Variants in EBF2 observed in about 807,000 individuals in gnomAD.
The protein encoded by EBF2 is transcription factor COE2.
Under a neutral mutation model 72.8 loss-of-function variants are expected in EBF2, and 21 were observed. The ratio of observed to expected loss-of-function variants is 0.29; its 90% confidence interval spans 0.20 to 0.42. The LOEUF is 0.42. Ranked by LOEUF, EBF2 falls within the 10% of genes least tolerant of loss-of-function variation. The pLI, the probability that EBF2 is intolerant of heterozygous loss-of-function variation, is 1.00. For synonymous variants in EBF2, 299 were observed against 274.2 expected (o/e 1.09, Z -0.89); for missense variants, 637 against 731.2 (o/e 0.87, Z 1.49).
chr8:25,864,600 T>C (rs770799398), intron 10 of EBF2, among the ~76,000 whole-genome samples: 51 of 152,142 alleles, frequency 3.4e-4, no homozygotes, highest in Non-Finnish European at 1.9e-4. Context: ...TACTTTGTAA[T>C]GTAACATTAA....
intron 8 of EBF2, among the ~76,000 whole-genome samples, chr8:25,889,084 C>T (rs1585182982): frequency 6.6e-6 from 1 of 152,118 alleles, no homozygotes; most frequent in Non-Finnish European, 1.5e-5. Context: ...TAGTATATAA[C>T]AAAACATCAC....
chr8:25,924,177 A>G (rs771569869), intron 6 of EBF2, among the ~76,000 whole-genome samples: 1 of 152,200 alleles, frequency 6.6e-6, no homozygotes, highest in African/African-American at 2.4e-5. Flanking sequence ...CCCCTCACAT[A>G]TCTTCCCTGT....
intron 10 of EBF2, among the ~76,000 whole-genome samples, chr8:25,880,569 G>C (rs1554564242): frequency 6.6e-6 from 1 of 152,028 alleles, no homozygotes; most frequent in Non-Finnish European, 1.5e-5. Context: ...CAAAGTGTTT[G>C]TTTTTTAAAT....
rs1349233834 is a variant in EBF2, at chr8:25,886,871, G to A, written c.893C>T (p.Pro298Leu). ...AGGAGTCTGTACTCTGATGGCATGA[G>A]GGGTTATTAGCTGAGGAATGAACAG... ...TMLVWSELIT[P>L]HAIRVQTPPR... The change falls in exon 10 of 16, where the codon CCT becomes CTT. Residue 298 changes from proline to leucine, a missense_variant. By Grantham distance (98) the Pro-to-Leu change is moderately conservative. Transcript: ENST00000520164. The A allele has an allele frequency of 1.2e-6, 2 of 1,612,512 alleles. No homozygotes were observed. The highest frequency in any genetic ancestry group is 1.7e-6 in the Non-Finnish European group (2 of 1,179,204).
At chr8:25,885,983 G>A (rs1325312945) in intron 10 of EBF2, among the ~76,000 whole-genome samples, 1 of 152,056 alleles carries the variant, frequency 6.6e-6, no homozygotes, top group Non-Finnish European at 1.5e-5. Context: ...TCACCCTGTG[G>A]CCTTTGCCTA....
intron 6 of EBF2, among the ~76,000 whole-genome samples, chr8:26,029,180 C>T (rs907754014): frequency 6.6e-6 from 1 of 152,076 alleles, no homozygotes; most frequent in African/African-American, 2.4e-5. Flanking sequence ...GTAGTGAAAG[C>T]GATTTTTCGT....
intron 7 of EBF2, among the ~76,000 whole-genome samples, chr8:25,900,346 C>A (rs1802931488): frequency 6.6e-6 from 1 of 152,132 alleles, no homozygotes; most frequent in South Asian, 2.1e-4. Context: ...GTAGTCCCAG[C>A]TACTTGGGAG....
At chr8:25,932,832 G>A (rs1803507092) in intron 6 of EBF2, among the ~76,000 whole-genome samples, 1 of 151,964 alleles carries the variant, frequency 6.6e-6, no homozygotes, top group Non-Finnish European at 1.5e-5. Flanking sequence ...GAATCTACTG[G>A]CAAAATTGAT....
intron 10 of EBF2, among the ~76,000 whole-genome samples, chr8:25,884,955 T>C (rs188089912): frequency 6.6e-6 from 1 of 152,290 alleles, no homozygotes; most frequent in Admixed American, 6.5e-5. Flanking sequence ...AATAATATTA[T>C]TAAAAATTTA....
intron 6 of EBF2, among the ~76,000 whole-genome samples, chr8:25,972,109 T>C (rs1804200100): frequency 6.6e-6 from 1 of 152,150 alleles, no homozygotes; most frequent in African/African-American, 2.4e-5. Context: ...TTCCCCGGAA[T>C]GCAAAGGGAA....
chr8:25,847,939 C>T (rs752823888), intron 15 of EBF2, among the ~76,000 whole-genome samples: 10 of 152,062 alleles, frequency 6.6e-5, no homozygotes, highest in Non-Finnish European at 5.9e-5. Context: ...GCTAAGGTAA[C>T]TCGTGCGCCG....
chr8:25,974,173 T>C (rs1228646402), intron 6 of EBF2, among the ~76,000 whole-genome samples: 2 of 152,156 alleles, frequency 1.3e-5, no homozygotes, highest in Non-Finnish European at 2.9e-5. Context: ...ATTTTACGGA[T>C]GAGCTCACTA....
intron 6 of EBF2, among the ~76,000 whole-genome samples, chr8:25,985,831 A>C (rs950786139): frequency 1.3e-5 from 2 of 150,756 alleles, no homozygotes; most frequent in African/African-American, 4.9e-5. Context: ...GAGACCCCCC[A>C]TCTCTACAAA....
Position 25,841,899 on chromosome 8 carries a change from C to A in EBF2, c.*2710G>T, listed in dbSNP as rs1323806579. 6.6e-6 allele frequency: 1 copy of A among 152,066 alleles called. No individual in the cohort carries two copies. The highest frequency in any genetic ancestry group is 2.1e-4 in the South Asian group (1 of 4,822). 9.4% of individuals were successfully genotyped at this position (152,066 alleles called of 1,614,324 possible). ...CATAGCAACTTTATACTGTATATAACTGACAAAGCAAAACAATAAAATGAA... is the reference window on the plus strand; with the variant it reads ...CATAGCAACTTTATACTGTATATAAATGACAAAGCAAAACAATAAAATGAA... On this transcript the variant is annotated 3_prime_UTR_variant, in exon 16 of 16. Coordinates refer to ENST00000520164, the MANE Select transcript of EBF2 (RefSeq NM_022659.4).
intron 6 of EBF2, among the ~76,000 whole-genome samples, chr8:26,009,278 C>T (rs1490173302): frequency 6.6e-6 from 1 of 152,116 alleles, no homozygotes; most frequent in African/African-American, 2.4e-5. Flanking sequence ...AAGAGAATCA[C>T]CTTTGTGCTA....
At chr8:25,878,304 G>A (rs1441932013) in intron 10 of EBF2, among the ~76,000 whole-genome samples, 1 of 152,234 alleles carries the variant, frequency 6.6e-6, no homozygotes. Context: ...CTGTCCTGCA[G>A]TGAAGCACTC....
intron 6 of EBF2, among the ~76,000 whole-genome samples, chr8:25,922,933 A>G (rs2117136460): frequency 6.7e-6 from 1 of 150,294 alleles, no homozygotes; most frequent in East Asian, 2.0e-4. Context: ...CACAGTGAAT[A>G]ATGGAATACA....
At chr8:25,966,795 A>G (rs933898996) in intron 6 of EBF2, among the ~76,000 whole-genome samples, 1 of 152,200 alleles carries the variant, frequency 6.6e-6, no homozygotes, top group Admixed American at 6.5e-5. Context: ...CCAGATAGCC[A>G]GCATGCTGGG....
intron 7 of EBF2, among the ~76,000 whole-genome samples, chr8:25,891,784 G>A (rs1802786303): frequency 6.6e-6 from 1 of 151,980 alleles, no homozygotes; most frequent in African/African-American, 2.4e-5. Flanking sequence ...CACCATGTTG[G>A]CCAGGCTGGT....
Sources: allele counts gnomAD v4.1 joint callset (sites outside exome capture counted in the v4.1 genomes callset), GRCh38; gene constraint gnomAD v4.1.1; transcripts MANE v1.5; gene names NCBI Gene and HGNC (gene_info 2026-07-23, HGNC 2026-07-21).